ZNF429: variants seen among roughly 807,000 people sequenced by gnomAD.
ZNF429 encodes the protein zinc finger protein 429.
ZNF429 carries 53 observed loss-of-function variants against 56.8 expected under a neutral mutation model. The ratio of observed to expected loss-of-function variants is 0.93; its 90% CI spans 0.75 to 1.17. ZNF429 has a LOEUF of 1.17. Ranked by LOEUF, ZNF429 falls within the 50% of genes most tolerant of loss-of-function variation. The pLI is 0.00. For synonymous variants in ZNF429, 278 were observed against 264.7 expected, an observed-to-expected ratio of 1.05 and a Z score of -0.49; for missense variants, 849 against 788.4, an observed-to-expected ratio of 1.08 and a Z score of -0.92.
Position 21,537,173 on chromosome 19 carries a change from T to C in ZNF429, c.1120T>C (p.Cys374Arg). Reference sequence around the variant, plus strand: ...AGAGAAGCCCTACAAATGTGAAGAATGTGGCAAAGCTTTTAACCAGTCTTC... The same window carrying C: ...AGAGAAGCCCTACAAATGTGAAGAACGTGGCAAAGCTTTTAACCAGTCTTC... ...TGEKPYKCEECGKAFNQSSRL... is the reference protein window; with the variant it reads ...TGEKPYKCEERGKAFNQSSRL... The change falls in exon 4 of 4, where the codon TGT (cysteine) becomes CGT (arginine). Residue 374 changes from cysteine (C) to arginine (R), a missense_variant. Transcript: ENST00000358491. The C allele has an allele frequency of 6.2e-7, 1 of 1,613,988 alleles. No homozygotes were observed. Among genetic ancestry groups the C allele is most frequent in the Non-Finnish European group, 8.5e-7 (1 of 1,179,998 alleles).
rs775178017 is a variant in ZNF429 at position 21,537,121 on chromosome 19, T to TA, written c.1069dup (p.Thr357AsnfsTer2). The TA allele has an allele frequency of 2.5e-6, 4 of 1,613,576 alleles. No individual in the cohort carries two copies. The African/African-American group carries it at 5.3e-5, about 22-fold the overall frequency. On this transcript the variant is annotated frameshift_variant, in exon 4 of 4. Transcript: ENST00000358491. LOFTEE classifies it high-confidence loss of function. ...AAGCCTTTAACTGGTCTTCAACTCT[T>TA]ACTAAACATAAGGTAATTCATACTG...
intron 1 of ZNF429, among the ~76,000 whole-genome samples, chr19:21,511,212 A>AC (rs1365713979): frequency 4.1e-5 from 6 of 146,420 alleles, no homozygotes; most frequent in African/African-American, 1.3e-4. Flanking sequence ...GCGGGGGCTG[A>AC]CCCCCCACCT....
At chr19:21,522,194 G>A (rs902649084) in intron 1 of ZNF429, among the ~76,000 whole-genome samples, 2 of 152,136 alleles carry the variant, frequency 1.3e-5, no homozygotes, top group Non-Finnish European at 2.9e-5. Context: ...TTTCAAGTTG[G>A]AATATTACCT....
intron 1 of ZNF429, among the ~76,000 whole-genome samples, chr19:21,509,183 TTTTAG>T (rs1258212036): frequency 6.6e-6 from 1 of 152,102 alleles, no homozygotes; most frequent in East Asian, 1.9e-4. Context: ...TATTTTTGTA[TTTTAG>T]TAGAGACAGG....
At chr19:21,506,760 G>GTTTTTTTTTTTTTTT (rs539545648) in intron 1 of ZNF429, among the ~76,000 whole-genome samples, 3 of 119,658 alleles carry the variant, frequency 2.5e-5, no homozygotes, top group Admixed American at 8.9e-5. Flanking sequence ...ATTTGAGTTA[G>GTTTTTTTTTTTTTTT]TTTTTTGTTT....
chr19:21,520,954 G>A (rs2032966444), intron 1 of ZNF429, among the ~76,000 whole-genome samples: 1 of 152,088 alleles, frequency 6.6e-6, no homozygotes, highest in South Asian at 2.1e-4. Context: ...CCTTAAATAG[G>A]CACTTCAATA....
At position 21,537,158 on chromosome 19, in the gene ZNF429, T is replaced by C. The variant is rs1233029367; in HGVS notation, c.1105T>C (p.Tyr369His). The change falls in exon 4 of 4, where the codon TAC becomes CAC. Residue 369 changes from tyrosine to histidine, a missense_variant. Physicochemically the swap from Tyr to His is moderately conservative, Grantham distance 83 (BLOSUM62 2). Transcript: ENST00000358491. ...HKVIHTGEKP[Y>H]KCEECGKAFN... The stretch of plus-strand genomic sequence containing the variant: ...GGTAATTCATACTGGAGAGAAGCCC[T>C]ACAAATGTGAAGAATGTGGCAAAGC... 1.2e-6 allele frequency: 2 copies of C among 1,613,814 alleles called. No individual in the cohort carries two copies. Among genetic ancestry groups the C allele is most frequent in the Non-Finnish European group, 1.7e-6 (2 of 1,179,992 alleles).
At chr19:21,535,329 CTTT>C in intron 3 of ZNF429, among the ~76,000 whole-genome samples, 459 of 28,730 alleles carry the variant, frequency 0.016, 72 homozygotes, top group African/African-American at 0.087. Flanking sequence ...CTTTCTTTCT[CTTT>C]TCTTTTCTTT....
chr19:21,531,368 C>A, intron 3 of ZNF429, among the ~76,000 whole-genome samples: 2 of 152,078 alleles, frequency 1.3e-5, no homozygotes, highest in Non-Finnish European at 2.9e-5. Flanking sequence ...AGGCTTACCT[C>A]CTGAGGCCAG....
chr19:21,516,245 T>C (rs8101900), intron 1 of ZNF429, among the ~76,000 whole-genome samples: 79,644 of 151,226 alleles, frequency 0.53, 21,200 homozygotes, highest in East Asian at 0.62. Flanking sequence ...TCATCATCAT[T>C]ATTATTATTA....
rs2033673741 is a variant in ZNF429, at chr19:21,536,418, A to T, written c.365A>T (p.Asp122Val). 1 of 1,613,950 alleles carries T rather than the reference A, an allele frequency of 6.2e-7. No individual in the cohort carries two copies. The highest frequency in any genetic ancestry group is 2.2e-5 in the East Asian group (1 of 44,810). Reference sequence around the variant, plus strand: ...AGAAAAGGCTATAAAACTGTAGGTGATTGTAAGCTATACAAAGGAGGTTAT... The same window carrying T: ...AGAAAAGGCTATAAAACTGTAGGTGTTTGTAAGCTATACAAAGGAGGTTAT... ...QLRKGYKTVG[D>V]CKLYKGGYNG... Residue 122 changes from aspartate (D) to valine (V), a missense_variant, in exon 4 of 4, where the codon GAT becomes GTT. Physicochemically the swap from Asp to Val is radical, Grantham distance 152. Coordinates refer to ENST00000358491, the MANE Select transcript of ZNF429 (RefSeq NM_001001415.4).
chr19:21,536,661 G>T lies in ZNF429; in HGVS notation c.608G>T (p.Cys203Phe). 1 of 1,613,894 alleles carries T rather than the reference G, an allele frequency of 6.2e-7. No homozygotes were observed. Among genetic ancestry groups the T allele is most frequent in the Non-Finnish European group, 8.5e-7 (1 of 1,179,916 alleles). The change falls in exon 4 of 4, where the codon TGT (cysteine) becomes TTT (phenylalanine). Residue 203 changes from cysteine (C) to phenylalanine (F), a missense_variant. Cys to Phe is a radical substitution (Grantham distance 205). Transcript: ENST00000358491. ...KIHIRENTYR[C>F]KEFGNAFNQS... The stretch of plus-strand genomic sequence containing the variant: ...CATATTAGAGAGAATACCTACAGAT[G>T]TAAAGAATTTGGCAATGCCTTTAAT...
intron 3 of ZNF429, among the ~76,000 whole-genome samples, chr19:21,533,355 A>G: frequency 2.0e-5 from 3 of 151,938 alleles, no homozygotes; most frequent in Non-Finnish European, 2.9e-5. Context: ...ATATTAAATC[A>G]TATCCATGTG....
At chr19:21,518,395 A>G (rs2032852775) in intron 1 of ZNF429, among the ~76,000 whole-genome samples, 1 of 48,216 alleles carries the variant, frequency 2.1e-5, no homozygotes, top group Non-Finnish European at 3.6e-5. Flanking sequence ...TGTTGGAGAG[A>G]TTCTGGTGGT....
chr19:21,538,110 A>C lies in ZNF429; in HGVS notation c.*32A>C, dbSNP rs2033791832. 4.2e-5 allele frequency: 1 copy of C among 24,052 alleles called. No homozygotes were observed. The allele number at this position is 24,052 out of a possible 1,614,324, so 1.5% of individuals were successfully genotyped here. A position where few individuals can be genotyped will look rare whatever the true frequency, so the allele number is the denominator to read the frequency against. On this transcript the variant is annotated 3_prime_UTR_variant, in exon 4 of 4. Coordinates refer to ENST00000358491, the MANE Select transcript of ZNF429 (RefSeq NM_001001415.4). The stretch of plus-strand genomic sequence containing the variant: ...GAAACCCCGTCTCTACTAAAAATAC[A>C]AAAAAAAAAAAAAAAAAAATTAGCC...
chr19:21,538,364 G>A lies in ZNF429; in HGVS notation c.*286G>A, dbSNP rs993697735. Among the ~76,000 whole-genome samples the A allele has an allele frequency of 1.3e-5, 2 of 151,774 alleles. No homozygotes were observed. Among genetic ancestry groups the A allele is most frequent in the African/African-American group, 4.8e-5 (2 of 41,324 alleles). ...TGCCTGTAATCCCAGCACTTTGGGA[G>A]GCCGAGGCGGGTGGATCACGAGGTC... On this transcript the variant is annotated 3_prime_UTR_variant, in exon 4 of 4. Transcript: ENST00000358491.
intron 1 of ZNF429, among the ~76,000 whole-genome samples, chr19:21,515,822 A>G (rs1320856611): frequency 6.6e-6 from 1 of 152,128 alleles, no homozygotes; most frequent in African/African-American, 2.4e-5. Context: ...TAGTTATTCT[A>G]GCACTATTTA....
chr19:21,514,901 C>CAT (rs1568414704), intron 1 of ZNF429, among the ~76,000 whole-genome samples: 1 of 143,482 alleles, frequency 7.0e-6, no homozygotes, highest in Non-Finnish European at 1.5e-5. Flanking sequence ...GCCTGGCCAC[C>CAT]ATATATATTT....
intron 1 of ZNF429, 104 bp from the exon 2 acceptor site, chr19:21,529,554 C>T (rs571380009): frequency 8.1e-5 from 100 of 1,231,736 alleles, no homozygotes; most frequent in Non-Finnish European, 1.2e-5. Flanking sequence ...TCTCTTTACT[C>T]TCTCATTTCA....
Sources: allele counts gnomAD v4.1 joint callset (sites outside exome capture counted in the v4.1 genomes callset), GRCh38; gene constraint gnomAD v4.1.1; transcripts MANE v1.5; gene names NCBI Gene and HGNC (gene_info 2026-07-23, HGNC 2026-07-21).